Variants in DISP3 observed in about 807,000 individuals in gnomAD.
The protein encoded by DISP3 is protein dispatched homolog 3.
A neutral mutation model predicts 135.3 loss-of-function variants in DISP3; 101 were observed. The observed-to-expected ratio is 0.75, with a 90% confidence interval of 0.64 to 0.88. DISP3 has a LOEUF of 0.88. Among genes scored for constraint, DISP3 ranks in the 40% least tolerant of loss-of-function variants. DISP3 has a pLI of 0.00. For missense variants in DISP3, 1,713 were observed against 1,878.6 expected, an observed-to-expected ratio of 0.91 and a Z score of 1.63; for synonymous variants, 856 against 817.0, an observed-to-expected ratio of 1.05 and a Z score of -0.81.
At chr1:11,500,867 A>T in intron 1 of DISP3, 123 bp from the exon 2 acceptor site, 1 of 1,061,134 alleles carries the variant, frequency 9.4e-7, no homozygotes, top group Non-Finnish European at 1.4e-6. Flanking sequence ...ATGCAATTCC[A>T]TTGCAGTATT....
In DISP3 at chr1:11,516,606, T is replaced by C. The variant is rs2100456673; in HGVS notation, c.1749+445T>C. 6.6e-6 allele frequency among the ~76,000 whole-genome samples: 1 copy of C among 152,364 alleles called. No homozygotes were observed. The highest frequency in any genetic ancestry group is 1.5e-5 in the Non-Finnish European group (1 of 68,036). On this transcript the variant is annotated intron_variant, in intron 6 of 20. Transcript: ENST00000294484. The surrounding 1 kb of genome is among the most constrained non-coding windows in gnomAD (Gnocchi z 5.1). Reference sequence around the variant, plus strand: ...TAGTGATTCCCCTTCTGCCTGCTTCTGGCTGCATTTTCCTCCCTTGTGCTG... The same window carrying C: ...TAGTGATTCCCCTTCTGCCTGCTTCCGGCTGCATTTTCCTCCCTTGTGCTG...
chr1:11,519,814 C>T lies in DISP3; in HGVS notation c.2134C>T (p.Gln712Ter). ...NTGSRGHLIV[Q>*]LQELLHHWVL... ...GGGCAGCCGCGGCCATCTCATCGTG[C>T]AGCTGCAGGAGCTGCTGCACCACTG... is the stretch of plus-strand genomic sequence containing the variant. Residue 712 changes from glutamine (Q) to a stop codon, truncating the protein, a stop_gained, in exon 9 of 21, where the codon CAG (glutamine) becomes TAG (stop). Coordinates refer to ENST00000294484, the MANE Select transcript of DISP3 (RefSeq NM_020780.2). LOFTEE classifies it high-confidence loss of function. This position sits in a 1 kb window ranked among gnomAD's most constrained non-coding sequence, Gnocchi z 4.3. The T allele has an allele frequency of 6.2e-7, 1 of 1,612,824 alleles. No homozygotes were observed.
rs1478699676 is a variant in DISP3 at position 11,519,612 on chromosome 1, A to T, written c.2039-107A>T. On this transcript the variant is annotated intron_variant, in intron 8 of 20. Transcript: ENST00000294484. This position sits in a 1 kb window ranked among gnomAD's most constrained non-coding sequence, Gnocchi z 4.3. ...GTCCTGAGGCTGGGGGCCGGACAAG[A>T]TGGCCTGTGGGCTTCCTCACCAGGC... 1.9e-6 allele frequency: 3 copies of T among 1,571,080 alleles called. No homozygotes were observed. The highest frequency in any genetic ancestry group is 2.6e-6 in the Non-Finnish European group (3 of 1,157,470).
Position 11,531,557 on chromosome 1 carries a change from C to G in DISP3, c.3230-8C>G. ...ACCACGCACTCCCTTTCTTGCCTCTCCCCGCAGGCTACAGCATCTCCTCCT... is the reference window on the plus strand; with the variant it reads ...ACCACGCACTCCCTTTCTTGCCTCTGCCCGCAGGCTACAGCATCTCCTCCT... On this transcript the variant is annotated splice_polypyrimidine_tract_variant and splice_region_variant and intron_variant, in intron 16 of 20. Coordinates refer to ENST00000294484, the MANE Select transcript of DISP3 (RefSeq NM_020780.2). The surrounding 1 kb of genome is among the most constrained non-coding windows in gnomAD (Gnocchi z 5.2). The G allele has an allele frequency of 1.2e-6, 2 of 1,613,310 alleles. No individual in the cohort carries two copies. Among genetic ancestry groups the G allele is most frequent in the Non-Finnish European group, 1.7e-6 (2 of 1,179,934 alleles).
rs780755539 is a variant in DISP3 at position 11,501,780 on chromosome 1, T to A, written c.788T>A (p.Val263Glu). 6.3e-7 allele frequency: 1 copy of A among 1,598,116 alleles called. No individual in the cohort carries two copies. Among genetic ancestry groups the A allele is most frequent in the Non-Finnish European group, 8.5e-7 (1 of 1,170,478 alleles). ...CGCTGGGACTACTCGCGCGCCTATGTGAGTGCCAACACTCAGACGCACGCG... is the reference window on the plus strand; with the variant it reads ...CGCTGGGACTACTCGCGCGCCTATGAGAGTGCCAACACTCAGACGCACGCG... ...ASRWDYSRAY[V>E]SANTQTHAHW... Residue 263 changes from valine (V) to glutamate (E), a missense_variant, in exon 2 of 21, where the codon GTG (valine) becomes GAG (glutamate). Physicochemically the swap from Val to Glu is moderately radical, Grantham distance 121. Coordinates refer to ENST00000294484, the MANE Select transcript of DISP3 (RefSeq NM_020780.2). The surrounding 1 kb of genome is among the most constrained non-coding windows in gnomAD (Gnocchi z 4.9).
intron 3 of DISP3, 76 bp downstream of exon 3, chr1:11,502,973 A>G (rs1641594753): frequency 8.0e-7 from 1 of 1,243,650 alleles, no homozygotes; most frequent in Admixed American, 2.3e-5. Flanking sequence ...TAAACCCCAT[A>G]TCCCTTTCCC....
In DISP3 at chr1:11,533,954, G is replaced by A. The variant is rs1386492143; in HGVS notation, c.3376-427G>A. ...CTGCCAGGGCCAGGCAGGTTGCCAG[G>A]CAGTGACAAGAGCAGGGGAAGCACT... On this transcript the variant is annotated intron_variant, in intron 17 of 20. Transcript: ENST00000294484. The A allele has an allele frequency of 5.2e-5, 36 of 692,504 alleles. No individual in the cohort carries two copies. In the East Asian group the frequency reaches 9.7e-4, roughly 19 times the overall value. 42.9% of individuals were successfully genotyped at this position (692,504 alleles called of 1,614,324 possible).
At position 11,491,883 on chromosome 1, in the gene DISP3, G is replaced by A. The variant is rs1641193607; in HGVS notation, c.-3-9107G>A. Among the ~76,000 whole-genome samples the A allele has an allele frequency of 6.6e-6, 1 of 151,950 alleles. No individual in the cohort carries two copies. Among genetic ancestry groups the A allele is most frequent in the Non-Finnish European group, 1.5e-5 (1 of 67,980 alleles). On this transcript the variant is annotated intron_variant, in intron 1 of 20. Transcript: ENST00000294484. The surrounding 1 kb of genome is among the most constrained non-coding windows in gnomAD (Gnocchi z 4.3). ...CACGCCTGTAATCCCAGCACTTTGG[G>A]AGGCCGAGGCGGGCGGATCACGAGG...
At chr1:11,506,539 T>C (rs1320320226) in intron 3 of DISP3, among the ~76,000 whole-genome samples, 1 of 152,200 alleles carries the variant, frequency 6.6e-6, no homozygotes, top group Non-Finnish European at 1.5e-5. Flanking sequence ...GAGGTTTTAA[T>C]GTTATTGTTC....
rs1025124164 is a variant in DISP3, at chr1:11,510,747, T to C, written c.1317-3643T>C. On this transcript the variant is annotated intron_variant, in intron 3 of 20. Coordinates refer to ENST00000294484, the MANE Select transcript of DISP3 (RefSeq NM_020780.2). The stretch of plus-strand genomic sequence containing the variant: ...ACTTTAGGAGGCCAAAGTGGGAGGA[T>C]TGCTTGAGGCCAGGAGTTCAAGACC... 4.7e-4 allele frequency among the ~76,000 whole-genome samples: 72 copies of C among 152,268 alleles called. 1 individual carries two copies. Among genetic ancestry groups the C allele is most frequent in the African/African-American group, 1.7e-3 (70 of 41,556 alleles).
intron 3 of DISP3, among the ~76,000 whole-genome samples, chr1:11,508,475 C>T (rs562935857): frequency 1.3e-5 from 2 of 151,760 alleles, no homozygotes; most frequent in African/African-American, 4.8e-5. Context: ...TAATATTTCC[C>T]TATTATCTTT....
intron 10 of DISP3, among the ~76,000 whole-genome samples, chr1:11,523,589 G>T (rs553179872): frequency 9.3e-4 from 127 of 136,966 alleles, no homozygotes; most frequent in African/African-American, 3.2e-3. Context: ...GTGGCACAGA[G>T]ATGGCAAGCA....
At chr1:11,490,747 G>A (rs765608624) in intron 1 of DISP3, among the ~76,000 whole-genome samples, 1 of 152,192 alleles carries the variant, frequency 6.6e-6, no homozygotes, top group Non-Finnish European at 1.5e-5. Flanking sequence ...TCAGGGCACG[G>A]TGGCTAAAAG....
At chr1:11,518,646 T>C (rs1042020900) in intron 7 of DISP3, among the ~76,000 whole-genome samples, 2 of 152,198 alleles carry the variant, frequency 1.3e-5, no homozygotes, top group Non-Finnish European at 2.9e-5. Flanking sequence ...AGATGTGGGC[T>C]TCAAGCCCAG....
chr1:11,513,926 A>C (rs1641927020), intron 3 of DISP3, among the ~76,000 whole-genome samples: 1 of 149,352 alleles, frequency 6.7e-6, no homozygotes, highest in African/African-American at 2.5e-5. Flanking sequence ...ATTTTAAGAC[A>C]CAGTTTGACC....
rs1288685208 is a variant in DISP3 at position 11,517,494 on chromosome 1, T to C, written c.1781T>C (p.Met594Thr). The change falls in exon 7 of 21, where the codon ATG becomes ACG. Residue 594 changes from methionine to threonine, a missense_variant. Met to Thr is a moderately conservative substitution (Grantham distance 81, BLOSUM62 -1). This residue lies in a region of DISP3 where 1,142 missense variants were observed against 1,384.6 expected (regional missense o/e 0.82). Coordinates refer to ENST00000294484, the MANE Select transcript of DISP3 (RefSeq NM_020780.2). Reference sequence around the variant, plus strand: ...GCCGTCCACGACTTTGGCCTGTTCATGTCTCTCATCGTGTCCTGTTGCTGG... The same window carrying C: ...GCCGTCCACGACTTTGGCCTGTTCACGTCTCTCATCGTGTCCTGTTGCTGG... ...IPAVHDFGLF[M>T]SLIVSCCWLA... 1.2e-6 allele frequency: 2 copies of C among 1,614,252 alleles called. No individual in the cohort carries two copies. Among genetic ancestry groups the C allele is most frequent in the Non-Finnish European group, 1.7e-6 (2 of 1,180,046 alleles).
intron 1 of DISP3, among the ~76,000 whole-genome samples, chr1:11,490,731 TTGGCATCAGGGCACGG>T (rs1284494560): frequency 6.6e-6 from 1 of 152,144 alleles, no homozygotes; most frequent in Admixed American, 6.5e-5. Context: ...GGAATTCCTT[TTGGCATCAGGGCACGG>T]TGGCTAAAAG....
In DISP3 at chr1:11,501,334, G is replaced by A. The variant is rs370087384; in HGVS notation, c.342G>A (p.Glu114=). ...SYNAFEIRNH[E]ASQRFDALTL... is the part of the protein sequence containing the mutation. ...ACGCCTTTGAGATCCGCAACCACGA[G>A]GCCTCACAGCGTTTCGACGCTCTCA... Residue 114 remains glutamate, a synonymous_variant, in exon 2 of 21, where the codon GAG becomes GAA. Coordinates refer to ENST00000294484, the MANE Select transcript of DISP3 (RefSeq NM_020780.2). The surrounding 1 kb of genome is among the most constrained non-coding windows in gnomAD (Gnocchi z 4.9). 2 of 1,613,876 alleles carry A rather than the reference G, an allele frequency of 1.2e-6. No homozygotes were observed. Among genetic ancestry groups the A allele is most frequent in the Non-Finnish European group, 1.7e-6 (2 of 1,179,996 alleles).
chr1:11,504,089 C>T (rs529542595), intron 3 of DISP3, among the ~76,000 whole-genome samples: 2 of 152,314 alleles, frequency 1.3e-5, no homozygotes, highest in South Asian at 4.1e-4. Flanking sequence ...CTCATTCCTT[C>T]CACTGCTTAT....
Sources: allele counts gnomAD v4.1 joint callset (sites outside exome capture counted in the v4.1 genomes callset), GRCh38; gene constraint gnomAD v4.1.1; regional missense constraint gnomAD v4.1.1; non-coding constraint Gnocchi (gnomAD v3.1); transcripts MANE v1.5; gene names NCBI Gene and HGNC (gene_info 2026-07-23, HGNC 2026-07-21).